The following AFG2A variants were observed in gnomAD, a reference collection of about 807,000 sequenced individuals.
The protein encoded by AFG2A is AAA ATPase AFG2A.
chr4:123,182,272 A>G, the AFG2A span, among the ~76,000 whole-genome samples: 1 of 152,224 alleles, frequency 6.6e-6, no homozygotes, highest in Non-Finnish European at 1.5e-5. Context: ...TAATTTAAAA[A>G]CCACTAACTA....
chr4:123,308,630 G>A, the AFG2A span, among the ~76,000 whole-genome samples: 35 of 152,220 alleles, frequency 2.3e-4, 1 homozygote, highest in East Asian at 5.4e-3. Flanking sequence ...GCACTCCTCC[G>A]CCCCCTGTCC....
the AFG2A span, among the ~76,000 whole-genome samples, chr4:123,264,165 A>G: frequency 6.6e-6 from 1 of 152,218 alleles, no homozygotes; most frequent in Non-Finnish European, 1.5e-5. Context: ...AGCTATGAGT[A>G]TGCAAAGGCA....
chr4:123,139,755 A>G, the AFG2A span, among the ~76,000 whole-genome samples: 23,138 of 152,036 alleles, frequency 0.15, 2,155 homozygotes, highest in East Asian at 0.45. Flanking sequence ...ACATTATTAC[A>G]TTATGGTTTG....
the AFG2A span, among the ~76,000 whole-genome samples, chr4:123,196,167 A>ATTTTTTTTTTTTT: frequency 4.1e-4 from 33 of 79,672 alleles, 4 homozygotes; most frequent in South Asian, 3.9e-3. Flanking sequence ...TGCCCAGCTA[A>ATTTTTTTTTTTTT]TTTTTTTTTT....
the AFG2A span, among the ~76,000 whole-genome samples, chr4:123,231,525 C>T: frequency 6.6e-6 from 1 of 151,970 alleles, no homozygotes; most frequent in Admixed American, 6.6e-5. Context: ...GAAGTTTCTC[C>T]ATATCATCAG....
the AFG2A span, among the ~76,000 whole-genome samples, chr4:123,245,344 A>C: frequency 3.3e-5 from 5 of 152,212 alleles, no homozygotes; most frequent in South Asian, 1.0e-3. Flanking sequence ...GAAGTTCTTC[A>C]CTCCTATTCT....
At chr4:123,127,868 T>A in the AFG2A span, among the ~76,000 whole-genome samples, 1 of 152,196 alleles carries the variant, frequency 6.6e-6, no homozygotes, top group Non-Finnish European at 1.5e-5. Context: ...TTTGGCTGGC[T>A]GCAAACAACT....
At chr4:122,978,713 G>A in the AFG2A span, among the ~76,000 whole-genome samples, 1 of 152,196 alleles carries the variant, frequency 6.6e-6, no homozygotes, top group Non-Finnish European at 1.5e-5. Flanking sequence ...GCCACCCTCA[G>A]CCTCCCTCAC....
At chr4:123,212,922 A>G in the AFG2A span, among the ~76,000 whole-genome samples, 2 of 152,158 alleles carry the variant, frequency 1.3e-5, no homozygotes, top group South Asian at 4.1e-4. Context: ...AAATGAGACA[A>G]TGCATATAAA....
At chr4:123,197,693 G>A in the AFG2A span, among the ~76,000 whole-genome samples, 3,204 of 152,080 alleles carry the variant, frequency 0.021, 63 homozygotes, top group Non-Finnish European at 0.035. Flanking sequence ...GCTTAAACCC[G>A]GGAGGCGGAG....
At chr4:123,246,924 G>A in the AFG2A span, among the ~76,000 whole-genome samples, 1 of 151,972 alleles carries the variant, frequency 6.6e-6, no homozygotes, top group South Asian at 2.1e-4. Flanking sequence ...AAATGTTTCT[G>A]GAATTTTTTT....
the AFG2A span, among the ~76,000 whole-genome samples, chr4:123,198,034 G>T: frequency 0.012 from 1,888 of 152,092 alleles, 36 homozygotes; most frequent in African/African-American, 0.043. Context: ...ACTTTGGGAG[G>T]CTGAGGTGGG....
the AFG2A span, among the ~76,000 whole-genome samples, chr4:123,110,855 G>A: frequency 6.6e-6 from 1 of 152,160 alleles, no homozygotes. Flanking sequence ...AGTATTGTAA[G>A]GCAGGACTTT....
chr4:123,071,743 T>C, the AFG2A span, among the ~76,000 whole-genome samples: 26 of 152,346 alleles, frequency 1.7e-4, no homozygotes, highest in African/African-American at 6.0e-4. Context: ...TTATAGGATA[T>C]CTTATTAATC....
chr4:123,006,766 T>TAATG, the AFG2A span, among the ~76,000 whole-genome samples: 1 of 152,166 alleles, frequency 6.6e-6, no homozygotes, highest in Non-Finnish European at 1.5e-5. Flanking sequence ...TGCACAAAGG[T>TAATG]AATGCATTTA....
At chr4:123,044,802 T>C in the AFG2A span, among the ~76,000 whole-genome samples, 1 of 152,090 alleles carries the variant, frequency 6.6e-6, no homozygotes, top group South Asian at 2.1e-4. Context: ...TTTGTTTCTA[T>C]GCTTACTTTG....
At chr4:123,089,423 T>C in the AFG2A span, among the ~76,000 whole-genome samples, 3 of 152,200 alleles carry the variant, frequency 2.0e-5, no homozygotes, top group African/African-American at 4.8e-5. Flanking sequence ...CTTACAATGC[T>C]GTGTTACTCT....
the AFG2A span, among the ~76,000 whole-genome samples, chr4:123,109,241 C>G: frequency 1.3e-5 from 2 of 152,150 alleles, no homozygotes; most frequent in South Asian, 4.1e-4. Flanking sequence ...CTCTATACTC[C>G]CAGGAAAATT....
chr4:122,981,128 T>C, the AFG2A span, among the ~76,000 whole-genome samples: 2 of 152,208 alleles, frequency 1.3e-5, no homozygotes, highest in African/African-American at 2.4e-5. Flanking sequence ...TTTACAGTTC[T>C]AGATATTATG....
Sources: allele counts gnomAD v4.1 joint callset (sites outside exome capture counted in the v4.1 genomes callset), GRCh38; gene constraint gnomAD v4.1.1; transcripts MANE v1.5; gene names NCBI Gene and HGNC (gene_info 2026-07-23, HGNC 2026-07-21).